Variants in CALR3 observed in about 807,000 individuals in gnomAD.
CALR3 encodes the protein calreticulin 3, also known as calreticulin-3.
Under a neutral mutation model 48.7 loss-of-function variants are expected in CALR3, and 39 were observed. The observed-to-expected ratio is 0.80, with a 90% CI of 0.62 to 1.05. The LOEUF (loss-of-function observed/expected upper bound fraction) is 1.05. CALR3 is among the 50% of genes least tolerant of loss of function. The probability of loss-of-function intolerance (pLI) is 0.00; values close to 1 mark genes in which losing one functional copy is unlikely to be tolerated. For synonymous variants in CALR3, 185 were observed against 172.7 expected (o/e 1.07, Z -0.56); for missense variants, 449 against 474.7 (o/e 0.95, Z 0.50).
intron 3 of CALR3, among the ~76,000 whole-genome samples, chr19:16,488,663 C>G (rs540718817): frequency 3.9e-5 from 6 of 152,134 alleles, no homozygotes; most frequent in African/African-American, 1.4e-4. Context: ...CCACCTTGGC[C>G]TCCCAAAATG....
chr19:16,483,083 G>A (rs1245190344), intron 5 of CALR3, among the ~76,000 whole-genome samples: 2 of 152,092 alleles, frequency 1.3e-5, no homozygotes, highest in Admixed American at 1.3e-4. Context: ...GGGTTCAAGC[G>A]ATCCTCCTGC....
intron 8 of CALR3, among the ~76,000 whole-genome samples, chr19:16,479,587 CAAA>C (rs1159976271): frequency 7.3e-5 from 6 of 82,668 alleles, no homozygotes; most frequent in Non-Finnish European, 1.0e-4. Context: ...GACTCTGTCT[CAAA>C]AAAAAAAAAA....
intron 3 of CALR3, 33 bp downstream of exon 3, chr19:16,490,334 T>C: frequency 6.3e-7 from 1 of 1,597,994 alleles, no homozygotes; most frequent in Non-Finnish European, 8.6e-7. Flanking sequence ...TCAAAGTCAC[T>C]AGAAGTGGTT....
intron 2 of CALR3, among the ~76,000 whole-genome samples, 158 bp downstream of exon 2, chr19:16,495,592 CA>C (rs1299393886): frequency 7.2e-6 from 1 of 139,372 alleles, no homozygotes; most frequent in South Asian, 2.2e-4. Flanking sequence ...AGAGAAGAAA[CA>C]AAAAAACAAG....
At chr19:16,492,184 T>C (rs778455240) in intron 2 of CALR3, among the ~76,000 whole-genome samples, 4 of 152,004 alleles carry the variant, frequency 2.6e-5, no homozygotes, top group Admixed American at 6.6e-5. Context: ...AGGCCAGGCA[T>C]GGTGGCTCAC....
At chr19:16,490,007 C>T (rs763080338) in intron 3 of CALR3, among the ~76,000 whole-genome samples, 1 of 152,060 alleles carries the variant, frequency 6.6e-6, no homozygotes, top group Non-Finnish European at 1.5e-5. Context: ...TTCAGATTAG[C>T]GTTGTTCAAC....
chr19:16,483,175 A>T (rs954632390), intron 5 of CALR3, among the ~76,000 whole-genome samples: 5 of 152,136 alleles, frequency 3.3e-5, no homozygotes, highest in African/African-American at 1.2e-4. Flanking sequence ...GGAAATTATT[A>T]GATGCCAAGT....
chr19:16,491,740 G>T (rs1409371686), intron 2 of CALR3, among the ~76,000 whole-genome samples: 1 of 151,522 alleles, frequency 6.6e-6, no homozygotes, highest in East Asian at 2.0e-4. Context: ...TTGCACCGCT[G>T]CACTCCAGCC....
intron 2 of CALR3, among the ~76,000 whole-genome samples, chr19:16,495,216 ACTC>A (rs2093404875): frequency 8.3e-6 from 1 of 120,394 alleles, no homozygotes; most frequent in East Asian, 2.4e-4. Context: ...ACAGAGCGAG[ACTC>A]CTACTACCAA....
chr19:16,495,935 A>G (rs2093407455), intron 1 of CALR3, 83 bp from the exon 2 acceptor site: 2 of 1,564,190 alleles, frequency 1.3e-6, no homozygotes. Context: ...ACCCTCGAGG[A>G]TTCGAGGGTT....
chr19:16,486,270 C>G (rs965096121), intron 3 of CALR3, among the ~76,000 whole-genome samples: 3 of 151,076 alleles, frequency 2.0e-5, no homozygotes, highest in African/African-American at 7.3e-5. Context: ...GAGCTGAGAT[C>G]GGGCCACTGT....
At chr19:16,487,099 C>T (rs889918901) in intron 3 of CALR3, among the ~76,000 whole-genome samples, 18 of 151,958 alleles carry the variant, frequency 1.2e-4, no homozygotes, top group Admixed American at 9.9e-4. Context: ...TCAAACTCCT[C>T]GGCTCGGGGG....
At position 16,490,356 on chromosome 19, in the gene CALR3, C is replaced by A. The variant is rs561183116; in HGVS notation, c.397+11G>T. On this transcript the variant is annotated intron_variant, in intron 3 of 8. Coordinates refer to ENST00000269881, the MANE Select transcript of CALR3 (RefSeq NM_145046.5). Reference sequence around the variant, plus strand: ...CACTAGAAGTGGTTGTGTTGCACCACGTAAACTCACCAAACATAATATAGT... The same window carrying A: ...CACTAGAAGTGGTTGTGTTGCACCAAGTAAACTCACCAAACATAATATAGT... 4.3e-6 allele frequency: 7 copies of A among 1,613,692 alleles called. No homozygotes were observed. The South Asian group carries it at 7.7e-5, about 18-fold the overall frequency.
In CALR3 at chr19:16,484,116, C is replaced by T. The variant is rs1599718289; in HGVS notation, c.493-1G>A. 1 of 1,612,902 alleles carries T rather than the reference C, an allele frequency of 6.2e-7. No homozygotes were observed. Among genetic ancestry groups the T allele is most frequent in the Non-Finnish European group, 8.5e-7 (1 of 1,179,696 alleles). On this transcript the variant is annotated splice_acceptor_variant, in intron 4 of 8. Coordinates refer to ENST00000269881, the MANE Select transcript of CALR3 (RefSeq NM_145046.5). LOFTEE classifies it high-confidence loss of function. ...TGTACAGGTGTGTGAAGCCATCAACCTGCATATTTTAGGGGGAAAAGCGTA... is the reference window on the plus strand; with the variant it reads ...TGTACAGGTGTGTGAAGCCATCAACTTGCATATTTTAGGGGGAAAAGCGTA...
At chr19:16,492,324 C>T (rs1013930359) in intron 2 of CALR3, among the ~76,000 whole-genome samples, 2 of 152,174 alleles carry the variant, frequency 1.3e-5, no homozygotes, top group African/African-American at 2.4e-5. Flanking sequence ...AGCGTAGTGG[C>T]GCGTGCCTGT....
intron 7 of CALR3, 49 bp downstream of exon 7, chr19:16,482,400 AC>A: frequency 6.2e-7 from 1 of 1,611,730 alleles, no homozygotes. Flanking sequence ...ACAAAACAAA[AC>A]AAAACACACA....
intron 8 of CALR3, 70 bp from the exon 9 acceptor site, chr19:16,479,344 G>GC: frequency 6.3e-7 from 1 of 1,580,662 alleles, no homozygotes; most frequent in Non-Finnish European, 8.7e-7. Context: ...CCAGCACTTT[G>GC]GGAGGCCGAG....
chr19:16,487,429 G>A (rs2093390719), intron 3 of CALR3, among the ~76,000 whole-genome samples: 1 of 150,362 alleles, frequency 6.7e-6, no homozygotes, highest in African/African-American at 2.4e-5. Context: ...GCAGTGAGCC[G>A]GGATCGTGCC....
intron 8 of CALR3, among the ~76,000 whole-genome samples, chr19:16,480,184 G>C (rs2122124150): frequency 8.2e-6 from 1 of 121,634 alleles, no homozygotes. Context: ...CCTGGCGACA[G>C]AGCGAGACTC....
Sources: allele counts gnomAD v4.1 joint callset (sites outside exome capture counted in the v4.1 genomes callset), GRCh38; gene constraint gnomAD v4.1.1; transcripts MANE v1.5; gene names NCBI Gene and HGNC (gene_info 2026-07-23, HGNC 2026-07-21).